The following UBE2U variants were observed in gnomAD, a reference collection of about 807,000 sequenced individuals.
The protein encoded by UBE2U is ubiquitin conjugating enzyme E2 U.
UBE2U carries 39 observed loss-of-function variants against 41.2 expected under a neutral mutation model. That is an observed-to-expected ratio of 0.95 (90% CI 0.73 to 1.24). The LOEUF is 1.24. Ranked by LOEUF, UBE2U falls within the 50% of genes most tolerant of loss-of-function variation. The probability of loss-of-function intolerance (pLI) is 0.00; values close to 1 mark genes in which losing one functional copy is unlikely to be tolerated. For missense variants in UBE2U, 336 were observed against 363.1 expected, an observed-to-expected ratio of 0.93 and a Z score of 0.61; for synonymous variants, 107 against 117.8, an observed-to-expected ratio of 0.91 and a Z score of 0.60.
chr1:64,230,765 A>G (rs541699848), intron 6 of UBE2U, among the ~76,000 whole-genome samples: 1 of 152,338 alleles, frequency 6.6e-6, no homozygotes, highest in African/African-American at 2.4e-5. Flanking sequence ...TTATCGCGTT[A>G]ATATATAAAG....
chr1:64,266,546 C>T (rs867956860), intron 9 of UBE2U, among the ~76,000 whole-genome samples: 2 of 152,284 alleles, frequency 1.3e-5, no homozygotes, highest in Non-Finnish European at 2.9e-5. Flanking sequence ...ACAGTGGAAG[C>T]GCGGGAGAAT....
intron 8 of UBE2U, among the ~76,000 whole-genome samples, chr1:64,246,633 TGAC>T (rs905218803): frequency 1.1e-4 from 16 of 152,056 alleles, no homozygotes; most frequent in Admixed American, 7.9e-4. Flanking sequence ...TAGGAAAAAA[TGAC>T]TTTTGCCAAG....
chr1:64,244,318 TATAA>T (rs1300473010), intron 8 of UBE2U: 2 of 979,862 alleles, frequency 2.0e-6, no homozygotes, highest in East Asian at 1.1e-4. Context: ...TCATTCGAGA[TATAA>T]ATAAAAATTA....
intron 4 of UBE2U, among the ~76,000 whole-genome samples, chr1:64,211,677 G>A (rs1651673076): frequency 6.6e-6 from 1 of 152,158 alleles, no homozygotes; most frequent in African/African-American, 2.4e-5. Context: ...CTGGGCTCAA[G>A]CAATCCTCCC....
chr1:64,254,375 T>C (rs1452931504), intron 8 of UBE2U, among the ~76,000 whole-genome samples: 1 of 151,986 alleles, frequency 6.6e-6, no homozygotes, highest in Non-Finnish European at 1.5e-5. Flanking sequence ...AACAAACATA[T>C]TCAATACCTG....
At chr1:64,232,826 A>G (rs185392459) in intron 7 of UBE2U, among the ~76,000 whole-genome samples, 177 bp downstream of exon 7, 91 of 152,244 alleles carry the variant, frequency 6.0e-4, no homozygotes, top group Admixed American at 1.0e-3. Flanking sequence ...TTCAAAAAAA[A>G]ATAATTTTAA....
At chr1:64,259,634 C>T (rs1645150722) in intron 8 of UBE2U, among the ~76,000 whole-genome samples, 1 of 151,988 alleles carries the variant, frequency 6.6e-6, no homozygotes, top group Non-Finnish European at 1.5e-5. Context: ...ACCTACTTTT[C>T]TTCAAGAAAA....
chr1:64,251,932 T>C (rs1645017379), intron 8 of UBE2U, among the ~76,000 whole-genome samples: 1 of 152,162 alleles, frequency 6.6e-6, no homozygotes, highest in Non-Finnish European at 1.5e-5. Context: ...ACCTCACAAG[T>C]TGGGGCCCGC....
intron 9 of UBE2U, among the ~76,000 whole-genome samples, chr1:64,264,277 A>G (rs964959435): frequency 6.6e-6 from 1 of 152,208 alleles, no homozygotes; most frequent in African/African-American, 2.4e-5. Context: ...CCAACCCAAG[A>G]AAGGCATGGA....
At chr1:64,259,084 AT>A (rs1557750381) in intron 8 of UBE2U, among the ~76,000 whole-genome samples, 1 of 152,260 alleles carries the variant, frequency 6.6e-6, no homozygotes, top group Non-Finnish European at 1.5e-5. Flanking sequence ...GATGATGAGC[AT>A]TTTTTTAAGT....
chr1:64,249,391 A>AAAG (rs1644971554), intron 8 of UBE2U, among the ~76,000 whole-genome samples: 1 of 150,794 alleles, frequency 6.6e-6, no homozygotes, highest in South Asian at 2.1e-4. Context: ...AAAAAAAAAA[A>AAAG]AAAAAAATCA....
chr1:64,239,062 A>AGAAGAG (rs1273395992), intron 7 of UBE2U, among the ~76,000 whole-genome samples: 16 of 71,314 alleles, frequency 2.2e-4, no homozygotes, highest in Non-Finnish European at 3.2e-4. Flanking sequence ...AAGAAGAAGA[A>AGAAGAG]GAAGAGGAAG....
At position 64,239,171 on chromosome 1, in the gene UBE2U, AGAAGAAG is replaced by A. The variant is rs1644778796; in HGVS notation, c.596-2480_596-2474del. On this transcript the variant is annotated intron_variant, in intron 7 of 9. Transcript: ENST00000371077. ...AGAAGAAGAAGAAAGAAGAAGAAGA[AGAAGAAG>A]AAGAAGAAGAAGAAAGCCCCAGACA... is the stretch of plus-strand genomic sequence containing the variant. 4.4e-5 allele frequency among the ~76,000 whole-genome samples: 4 copies of A among 90,904 alleles called. 1 individual carries two copies. The highest frequency in any genetic ancestry group is 4.3e-4 in the Admixed American group (4 of 9,202). 59.6% of individuals were successfully genotyped at this position (90,904 alleles called of 152,430 possible). A position where few individuals can be genotyped will look rare whatever the true frequency, so the allele number is the denominator to read the frequency against.
Position 64,228,090 on chromosome 1 carries a change from G to A in UBE2U, c.507-4471G>A, listed in dbSNP as rs556404236. On this transcript the variant is annotated intron_variant, in intron 6 of 9. Coordinates refer to ENST00000371077, the MANE Select transcript of UBE2U (RefSeq NM_001366232.2). ...GCAAGCTCTAAATATATATCTAAAA[G>A]CACAAAGGACATAGAATGAGAAAGC... 3.9e-5 allele frequency among the ~76,000 whole-genome samples: 6 copies of A among 152,016 alleles called. No individual in the cohort carries two copies. The South Asian group carries it at 1.0e-3, about 26-fold the overall frequency.
intron 5 of UBE2U, among the ~76,000 whole-genome samples, chr1:64,219,049 C>G (rs1453541661): frequency 6.6e-6 from 1 of 152,084 alleles, no homozygotes; most frequent in Non-Finnish European, 1.5e-5. Flanking sequence ...TGCTCAATCC[C>G]CATTTTCCTT....
chr1:64,226,104 A>C (rs1238873533), intron 6 of UBE2U, among the ~76,000 whole-genome samples: 1 of 152,240 alleles, frequency 6.6e-6, no homozygotes, highest in Non-Finnish European at 1.5e-5. Flanking sequence ...CGCAAACTAG[A>C]AACAACCAAA....
chr1:64,221,647 G>A (rs1652476756), intron 6 of UBE2U, among the ~76,000 whole-genome samples: 1 of 152,120 alleles, frequency 6.6e-6, no homozygotes, highest in Non-Finnish European at 1.5e-5. Flanking sequence ...CATACGGTTC[G>A]GCGGCATTTA....
chr1:64,266,215 T>C (rs1431220229), intron 9 of UBE2U, among the ~76,000 whole-genome samples: 1 of 152,222 alleles, frequency 6.6e-6, no homozygotes, highest in South Asian at 2.1e-4. Context: ...TTGAAAAGTA[T>C]AATCAGTTTA....
At chr1:64,220,830 C>A in intron 5 of UBE2U, 29 bp from the exon 6 acceptor site, 1 of 1,577,516 alleles carries the variant, frequency 6.3e-7, no homozygotes, top group Non-Finnish European at 8.7e-7. Context: ...CCAAGTAAAC[C>A]AGAATCCTTT....
Sources: allele counts gnomAD v4.1 joint callset (sites outside exome capture counted in the v4.1 genomes callset), GRCh38; gene constraint gnomAD v4.1.1; transcripts MANE v1.5; gene names NCBI Gene and HGNC (gene_info 2026-07-23, HGNC 2026-07-21).